MGAM: variants seen among roughly 807,000 people sequenced by gnomAD.
MGAM encodes alpha-1,4-glucosidase.
In MGAM, 253 loss-of-function variants were observed where a neutral mutation model predicts 358.8. That is an observed-to-expected ratio of 0.71 (90% CI 0.64 to 0.78). The LOEUF is 0.78. MGAM is among the 30% of genes least tolerant of loss of function. The pLI is 0.00. For synonymous variants in MGAM, 1,105 were observed against 1,227.1 expected, an observed-to-expected ratio of 0.90 and a Z score of 2.08; for missense variants, 3,080 against 3,432.6, an observed-to-expected ratio of 0.90 and a Z score of 2.57.
At chr7:142,063,478 G>T in intron 35 of MGAM, 21 bp from the exon 36 acceptor site, 1 of 1,610,374 alleles carries the variant, frequency 6.2e-7, no homozygotes, top group Non-Finnish European at 8.5e-7. Context: ...AGTGAGGTAT[G>T]TCTGTGTTTG....
At chr7:142,078,773 C>G in intron 48 of MGAM, 35 bp from the exon 49 acceptor site, 2 of 1,508,528 alleles carry the variant, frequency 1.3e-6, no homozygotes, top group Non-Finnish European at 1.8e-6. Context: ...AGACCACATG[C>G]TGTGCTGATC....
At chr7:142,094,940 G>C (rs1041755972) in intron 63 of MGAM, 77 bp downstream of exon 63, 6 of 1,433,532 alleles carry the variant, frequency 4.2e-6, no homozygotes, top group Admixed American at 4.7e-5. Context: ...AATGCAGTCT[G>C]TATTTCCTGT....
At chr7:142,024,174 A>T (rs569763742) in intron 7 of MGAM, among the ~76,000 whole-genome samples, 1 of 152,162 alleles carries the variant, frequency 6.6e-6, no homozygotes, top group African/African-American at 2.4e-5. Flanking sequence ...GCTTGCAGTG[A>T]ACCGAGATTG....
chr7:142,062,677 G>A lies in MGAM; in HGVS notation c.4232G>A (p.Ser1411Asn). ...AACAATCCACAGAATCCAGAGAGGA[G>A]CTTGAAGTTTGATGGCATGTGGATT... is the stretch of plus-strand genomic sequence containing the variant. ...LYNNPQNPER[S>N]LKFDGMWIDM... The change falls in exon 35 of 71, where the codon AGC (serine) becomes AAC (asparagine). Residue 1411 changes from serine (S) to asparagine (N), a missense_variant. Coordinates refer to ENST00000475668, the MANE Select transcript of MGAM (RefSeq NM_001365693.1). 6.2e-7 allele frequency: 1 copy of A among 1,610,672 alleles called. No homozygotes were observed. Among genetic ancestry groups the A allele is most frequent in the Non-Finnish European group, 8.5e-7 (1 of 1,178,656 alleles).
chr7:142,084,769 G>A, intron 54 of MGAM, 125 bp downstream of exon 54: 2 of 1,294,310 alleles, frequency 1.5e-6, no homozygotes, highest in South Asian at 1.4e-5. Context: ...CAATATCACA[G>A]TTAGCCTCAC....
At chr7:142,105,703 C>T (rs946098107) in intron 70 of MGAM, 111 bp from the exon 71 acceptor site, 20 of 766,060 alleles carry the variant, frequency 2.6e-5, no homozygotes, top group East Asian at 1.0e-4. Context: ...CTAGACAATA[C>T]AATGTAGAAG....
intron 57 of MGAM, among the ~76,000 whole-genome samples, chr7:142,088,527 T>A (rs1182307543): frequency 6.9e-6 from 1 of 144,676 alleles, no homozygotes; most frequent in Non-Finnish European, 1.6e-5. Context: ...AATGTATTAA[T>A]TCATCCACCC....
chr7:142,093,894 T>G (rs1241779701), intron 60 of MGAM, among the ~76,000 whole-genome samples: 4 of 145,520 alleles, frequency 2.7e-5, no homozygotes, highest in Non-Finnish European at 4.7e-5. Context: ...ACTGGGCATC[T>G]CTCCCCTTTA....
chr7:142,027,581 CT>C (rs1563126705), intron 9 of MGAM, 28 bp from the exon 10 acceptor site: 1 of 1,610,760 alleles, frequency 6.2e-7, no homozygotes, highest in East Asian at 2.2e-5. Flanking sequence ...AGAGTATTTG[CT>C]AATTTTCACT....
intron 53 of MGAM, 121 bp downstream of exon 53, chr7:142,083,534 A>T: frequency 1.3e-6 from 1 of 764,634 alleles, no homozygotes; most frequent in African/African-American, 1.7e-5. Context: ...TTGGAAAGAG[A>T]TTATAGAATA....
intron 70 of MGAM, among the ~76,000 whole-genome samples, chr7:142,105,012 A>G (rs1816727194): frequency 1.3e-5 from 2 of 152,102 alleles, no homozygotes; most frequent in Admixed American, 1.3e-4. Flanking sequence ...TTCCCCAACT[A>G]TACCATAAAG....
Position 142,088,763 on chromosome 7 carries a change from A to G in MGAM, c.6810+2046A>G, listed in dbSNP as rs139655948. ...TGTCTGTCTGTCTATCTATCTATCT[A>G]TCTATCTATCTATCTATCTATCTAT... On this transcript the variant is annotated intron_variant, in intron 57 of 70. Transcript: ENST00000475668. Among the ~76,000 whole-genome samples the G allele has an allele frequency of 5.2e-3, 584 of 112,996 alleles. 13 individuals carry two copies. Among genetic ancestry groups the G allele is most frequent in the East Asian group, 0.04 (101 of 2,520 alleles). The allele number at this position is 112,996 out of a possible 152,430, so 74.1% of individuals were successfully genotyped here.
chr7:142,044,232 TATATACATTATATACACATACGAC>T (rs1809621753), intron 21 of MGAM, among the ~76,000 whole-genome samples: 2 of 139,938 alleles, frequency 1.4e-5, no homozygotes, highest in South Asian at 4.3e-4. Flanking sequence ...CGACATATAA[TATATACATTATATACACATACGAC>T]ATATAATATA....
chr7:142,050,897 A>T, intron 24 of MGAM, 33 bp downstream of exon 24: 1 of 1,612,808 alleles, frequency 6.2e-7, no homozygotes, highest in Non-Finnish European at 8.5e-7. Flanking sequence ...TGGTACATTG[A>T]GAATTCTCCA....
rs1813433178 is a variant in MGAM, at chr7:142,072,608, C to T, written c.5187-1477C>T. On this transcript the variant is annotated intron_variant, in intron 44 of 70. Transcript: ENST00000475668. ...TAAATCTATTGTTAGTTCTTTGTTG[C>T]TGACTTTCCTTTATGTTGACTTATT... 2.7e-5 allele frequency among the ~76,000 whole-genome samples: 4 copies of T among 146,318 alleles called. No individual in the cohort carries two copies. The Admixed American group carries it at 2.8e-4, about 10-fold the overall frequency.
In MGAM at chr7:142,034,655, C is replaced by T. The variant is rs1321021662; in HGVS notation, c.1788-15C>T. ...AAGATCCCACATTGACTCCTTAAAT[C>T]TCTCTCCCTTGCAGAGCTGCCAAGA... On this transcript the variant is annotated splice_polypyrimidine_tract_variant and intron_variant, in intron 15 of 70. Transcript: ENST00000475668. 1.2e-6 allele frequency: 2 copies of T among 1,609,998 alleles called. No homozygotes were observed. Among genetic ancestry groups the T allele is most frequent in the Admixed American group, 3.4e-5 (2 of 59,658 alleles).
chr7:142,078,175 TA>T, intron 47 of MGAM, 142 bp from the exon 48 acceptor site: 1 of 679,780 alleles, frequency 1.5e-6, no homozygotes, highest in Non-Finnish European at 2.3e-6. Context: ...TCTTATAAGC[TA>T]AAGTGATATG....
chr7:142,025,649 G>C (rs1806898545), intron 8 of MGAM, among the ~76,000 whole-genome samples: 1 of 152,178 alleles, frequency 6.6e-6, no homozygotes, highest in African/African-American at 2.4e-5. Flanking sequence ...GTCACAGACT[G>C]TTTCAGGTCT....
At position 142,066,849 on chromosome 7, in the gene MGAM, A is replaced by G. The variant is rs1021930993; in HGVS notation, c.4919+128A>G. Reference sequence around the variant, plus strand: ...CTTTTGACATGAGCTCTTCAGACACAAAGTATACCTGATTACTGTCTTTAG... The same window carrying G: ...CTTTTGACATGAGCTCTTCAGACACGAAGTATACCTGATTACTGTCTTTAG... On this transcript the variant is annotated intron_variant, in intron 41 of 70. Coordinates refer to ENST00000475668, the MANE Select transcript of MGAM (RefSeq NM_001365693.1). 4 of 1,139,762 alleles carry G rather than the reference A, an allele frequency of 3.5e-6. No homozygotes were observed. In the African/African-American group the frequency reaches 4.5e-5, roughly 13 times the overall value. The allele number at this position is 1,139,762 out of a possible 1,614,324, so 70.6% of individuals were successfully genotyped here. A position where few individuals can be genotyped will look rare whatever the true frequency, so the allele number is the denominator to read the frequency against.
Sources: allele counts gnomAD v4.1 joint callset (sites outside exome capture counted in the v4.1 genomes callset), GRCh38; gene constraint gnomAD v4.1.1; transcripts MANE v1.5; gene names NCBI Gene and HGNC (gene_info 2026-07-23, HGNC 2026-07-21).